RNF19A: variants seen among roughly 807,000 people sequenced by gnomAD.
RNF19A encodes E3 ubiquitin-protein ligase RNF19A.
RNF19A carries 32 observed loss-of-function variants against 75.7 expected under a neutral mutation model. The ratio of observed to expected loss-of-function variants is 0.42; its 90% confidence interval spans 0.32 to 0.57. RNF19A has a LOEUF of 0.57. Among genes scored for constraint, RNF19A ranks in the 20% least tolerant of loss-of-function variants. The pLI, the probability that RNF19A is intolerant of heterozygous loss-of-function variation, is 0.10. For missense variants in RNF19A, 782 were observed against 1,036.3 expected (o/e 0.75, Z 3.37); for synonymous variants, 335 against 345.2 (o/e 0.97, Z 0.33).
chr8:100,318,011 A>G (rs1391668416), intron 1 of RNF19A, among the ~76,000 whole-genome samples: 1 of 151,604 alleles, frequency 6.6e-6, no homozygotes, highest in Non-Finnish European at 1.5e-5. Context: ...CCAGCCCCTG[A>G]CCCCATGCCA....
At position 100,284,563 on chromosome 8, in the gene RNF19A, C is replaced by T. The variant is rs372312831; in HGVS notation, c.674+2938G>A. On this transcript the variant is annotated intron_variant, in intron 2 of 9. Coordinates refer to ENST00000341084, the MANE Select transcript of RNF19A (RefSeq NM_183419.4). This position sits in a 1 kb window ranked among gnomAD's most constrained non-coding sequence, Gnocchi z 4.3. Reference sequence around the variant, plus strand: ...ATTTGTTAAATTTATATAATAATCACGTGGTTGTTTTCATAGTAACAGAGT... The same window carrying T: ...ATTTGTTAAATTTATATAATAATCATGTGGTTGTTTTCATAGTAACAGAGT... Among the ~76,000 whole-genome samples, 11 of 152,040 alleles carry T rather than the reference C, an allele frequency of 7.2e-5. No individual in the cohort carries two copies. The highest frequency in any genetic ancestry group is 2.7e-4 in the African/African-American group (11 of 41,506).
At chr8:100,314,374 A>C (rs913899678), upstream of RNF19A, among the ~76,000 whole-genome samples, 789 of 152,278 alleles carry the variant, frequency 5.2e-3, 10 homozygotes, top group African/African-American at 0.019. This position sits in a 1 kb window ranked among gnomAD's most constrained non-coding sequence, Gnocchi z 4.1. Context: ...CCAAATTAGG[A>C]TCTGAGGCAC....
chr8:100,294,077 C>A (rs1222449475), intron 1 of RNF19A, among the ~76,000 whole-genome samples: 2 of 152,206 alleles, frequency 1.3e-5, no homozygotes, highest in Non-Finnish European at 2.9e-5. Flanking sequence ...ATTGCAGAGT[C>A]TGCTACCTAT....
chr8:100,274,938 A>C lies in RNF19A; in HGVS notation c.883+15T>G. On this transcript the variant is annotated intron_variant, in intron 3 of 9. Transcript: ENST00000341084. The stretch of plus-strand genomic sequence containing the variant: ...TGTGTCAAATATTTTATTAGAAAAA[A>C]TTAGACATAAATACCTGCTGCTCCA... 1 of 1,578,948 alleles carries C rather than the reference A, an allele frequency of 6.3e-7. No homozygotes were observed.
Position 100,259,156 on chromosome 8 carries a change from G to A in RNF19A, c.1917C>T (p.Gly639=). 2 of 1,614,118 alleles carry A rather than the reference G, an allele frequency of 1.2e-6. No homozygotes were observed. Among genetic ancestry groups the A allele is most frequent in the Non-Finnish European group, 1.7e-6 (2 of 1,180,008 alleles). The change falls in exon 10 of 10, where the codon GGC becomes GGT. Residue 639 remains glycine (G), a synonymous_variant. Coordinates refer to ENST00000341084, the MANE Select transcript of RNF19A (RefSeq NM_183419.4). This position sits in a 1 kb window ranked among gnomAD's most constrained non-coding sequence, Gnocchi z 4.5. ...CGCCAGCATGACTTCGGGTGGCACT[G>A]CCATCATCCACACTACTGCTTCCAC... ...HNSGSSSVDD[G]SATRSHAGGS... is the part of the protein sequence containing the mutation.
upstream of RNF19A, among the ~76,000 whole-genome samples, chr8:100,312,935 C>CAAA (rs1458721224): frequency 6.6e-6 from 1 of 151,802 alleles, no homozygotes; most frequent in East Asian, 1.9e-4. Context: ...CAAAACAAAA[C>CAAA]AACAACAACA....
chr8:100,272,095 G>A (rs2132544959), intron 3 of RNF19A, among the ~76,000 whole-genome samples: 1 of 152,184 alleles, frequency 6.6e-6, no homozygotes, highest in East Asian at 1.9e-4. Context: ...TAGCGGTAAG[G>A]GGACAGAGGC....
intron 2 of RNF19A, among the ~76,000 whole-genome samples, chr8:100,285,852 C>T (rs567257184): frequency 2.0e-5 from 3 of 152,102 alleles, no homozygotes; most frequent in South Asian, 2.1e-4. Context: ...GCACCTCTTG[C>T]ACCCTGGGGT....
chr8:100,274,942 G>A lies in RNF19A; in HGVS notation c.883+11C>T. 5.7e-6 allele frequency: 9 copies of A among 1,582,412 alleles called. No homozygotes were observed. Among genetic ancestry groups the A allele is most frequent in the Non-Finnish European group, 6.9e-6 (8 of 1,161,774 alleles). ...TCAAATATTTTATTAGAAAAAATTA[G>A]ACATAAATACCTGCTGCTCCAGACT... On this transcript the variant is annotated intron_variant, in intron 3 of 9. Transcript: ENST00000341084.
At chr8:100,285,249 A>AT (rs1333464129) in intron 2 of RNF19A, among the ~76,000 whole-genome samples, 1 of 151,864 alleles carries the variant, frequency 6.6e-6, no homozygotes, top group Non-Finnish European at 1.5e-5. Flanking sequence ...TTTTCTTTTA[A>AT]TTTTTTCCTT....
intron 2 of RNF19A, among the ~76,000 whole-genome samples, chr8:100,278,385 A>G (rs1013373734): frequency 6.6e-6 from 1 of 152,260 alleles, no homozygotes; most frequent in Non-Finnish European, 1.5e-5. Flanking sequence ...CATTTTAGAC[A>G]TAACAATAGA....
chr8:100,307,846 G>C (rs1245142132), intron 1 of RNF19A, among the ~76,000 whole-genome samples: 1 of 152,034 alleles, frequency 6.6e-6, no homozygotes, highest in Admixed American at 6.6e-5. Flanking sequence ...CTTGAATGAA[G>C]TATCTTTAAA....
rs1351803392 is a variant in RNF19A, at chr8:100,269,990, G to A, written c.907C>T (p.Arg303Ter). 6.2e-7 allele frequency: 1 copy of A among 1,602,356 alleles called. No homozygotes were observed. Among genetic ancestry groups the A allele is most frequent in the Non-Finnish European group, 8.5e-7 (1 of 1,174,640 alleles). ...ATCTTTATTATATAAGCAGCACATC[G>A]TGGACATGGCTTTATATCATCAGCT... The part of the protein sequence containing the change: ...AAADDIKPCP[R>*]CAAYIIKMND... Residue 303 changes from arginine (R) to a stop codon, truncating the protein, a stop_gained, in exon 4 of 10, where the codon CGA becomes TGA. Transcript: ENST00000341084. LOFTEE classifies it high-confidence loss of function. This position sits in a 1 kb window ranked among gnomAD's most constrained non-coding sequence, Gnocchi z 5.7.
rs1411395010 is a variant in RNF19A at position 100,325,165 on chromosome 8, C to A, written c.-243+10943G>T. ...TCAGGTGATCCACCTGCCCTGGCCT[C>A]CCAAAGTCCTGGGATTATAGGCATG... On this transcript the variant is annotated intron_variant, in intron 1 of 3. Transcript: ENST00000519527. The surrounding 1 kb of genome is among the most constrained non-coding windows in gnomAD (Gnocchi z 4.3). 6.6e-6 allele frequency among the ~76,000 whole-genome samples: 1 copy of A among 152,200 alleles called. No homozygotes were observed. Among genetic ancestry groups the A allele is most frequent in the African/African-American group, 2.4e-5 (1 of 41,442 alleles).
chr8:100,303,656 G>A (rs1002963374), intron 1 of RNF19A, among the ~76,000 whole-genome samples: 4 of 151,948 alleles, frequency 2.6e-5, no homozygotes, highest in African/African-American at 9.7e-5. Flanking sequence ...AGGTGCAGTG[G>A]CTCACGCCTG....
intron 1 of RNF19A, among the ~76,000 whole-genome samples, chr8:100,327,050 G>A (rs1363737479): frequency 6.6e-6 from 1 of 152,096 alleles, no homozygotes; most frequent in African/African-American, 2.4e-5. Flanking sequence ...ATGATTCTAT[G>A]TGGATTGTCT....
At chr8:100,295,170 G>A (rs1821495857) in intron 1 of RNF19A, among the ~76,000 whole-genome samples, 1 of 152,104 alleles carries the variant, frequency 6.6e-6, no homozygotes, top group South Asian at 2.1e-4. Flanking sequence ...ATTTTAATAA[G>A]TAACTCCCTC....
Position 100,264,172 on chromosome 8 carries a change from C to T in RNF19A, c.1330G>A (p.Ala444Thr), listed in dbSNP as rs1819860370. Reference sequence around the variant, plus strand: ...ATTGGAACTACGCCATAGACATAAGCTAACATAATAGGAACACCGATACCT... The same window carrying T: ...ATTGGAACTACGCCATAGACATAAGTTAACATAATAGGAACACCGATACCT... ...TVGIGVPIML[A>T]YVYGVVPISL... Residue 444 changes from alanine to threonine, a missense_variant, in exon 7 of 10, where the codon GCT (alanine) becomes ACT (threonine). Coordinates refer to ENST00000341084, the MANE Select transcript of RNF19A (RefSeq NM_183419.4). The surrounding 1 kb of genome is among the most constrained non-coding windows in gnomAD (Gnocchi z 4.7). 2 of 1,612,812 alleles carry T rather than the reference C, an allele frequency of 1.2e-6. No individual in the cohort carries two copies. Among genetic ancestry groups the T allele is most frequent in the African/African-American group, 2.7e-5 (2 of 74,864 alleles).
At chr8:100,296,109 CTTTTTTTCT>C (rs1275774999) in intron 1 of RNF19A, among the ~76,000 whole-genome samples, 1 of 151,722 alleles carries the variant, frequency 6.6e-6, no homozygotes, top group African/African-American at 2.4e-5. Context: ...TCTTTTTTTC[CTTTTTTTCT>C]TTTTTGAGAC....
Sources: allele counts gnomAD v4.1 joint callset (sites outside exome capture counted in the v4.1 genomes callset), GRCh38; gene constraint gnomAD v4.1.1; non-coding constraint Gnocchi (gnomAD v3.1); transcripts MANE v1.5; gene names NCBI Gene and HGNC (gene_info 2026-07-23, HGNC 2026-07-21).